Variants in EFHD1 observed in about 807,000 individuals in gnomAD.
EFHD1 encodes EF-hand domain family member D1, also known as EF-hand domain-containing protein D1.
A neutral mutation model predicts 17.2 loss-of-function variants in EFHD1; 10 were observed. That is an observed-to-expected ratio of 0.58 (90% confidence interval 0.36 to 0.99). The LOEUF (loss-of-function observed/expected upper bound fraction) is 0.99. Ranked by LOEUF, EFHD1 falls within the 50% of genes least tolerant of loss-of-function variation. The pLI is 0.01. For missense variants in EFHD1, 310 were observed against 327.5 expected (o/e 0.95, Z 0.41); for synonymous variants, 153 against 142.0 (o/e 1.08, Z -0.55).
At chr2:232,652,165 C>T (rs986587399) in intron 1 of EFHD1, among the ~76,000 whole-genome samples, 2 of 152,326 alleles carry the variant, frequency 1.3e-5, no homozygotes, top group South Asian at 2.1e-4. Flanking sequence ...GTCTGCAAGG[C>T]GGCAACATCA....
intron 1 of EFHD1, among the ~76,000 whole-genome samples, chr2:232,640,063 A>C (rs1213929798): frequency 6.6e-6 from 1 of 152,144 alleles, no homozygotes; most frequent in Non-Finnish European, 1.5e-5. Context: ...GCCAAAGGGC[A>C]TCATTGATCC....
chr2:232,655,015 C>T, intron 1 of EFHD1, among the ~76,000 whole-genome samples: 1 of 152,180 alleles, frequency 6.6e-6, no homozygotes, highest in Non-Finnish European at 1.5e-5. Flanking sequence ...ACTCTCCTTC[C>T]TTTCTGCTCA....
At chr2:232,673,869 AT>A (rs1260324182) in intron 3 of EFHD1, among the ~76,000 whole-genome samples, 3 of 127,934 alleles carry the variant, frequency 2.3e-5, no homozygotes, top group African/African-American at 8.8e-5. Context: ...CACATTTTAT[AT>A]TTTTCCCTTC....
intron 1 of EFHD1, among the ~76,000 whole-genome samples, chr2:232,640,221 T>G (rs1441877983): frequency 6.6e-6 from 1 of 152,104 alleles, no homozygotes; most frequent in African/African-American, 2.4e-5. Flanking sequence ...AGAGGTTCTG[T>G]GGTACCCCTG....
chr2:232,631,711 A>T (rs1348550562), upstream of EFHD1, among the ~76,000 whole-genome samples: 11 of 150,136 alleles, frequency 7.3e-5, no homozygotes, highest in Admixed American at 7.3e-4. Flanking sequence ...AAAAAACAAA[A>T]ACAAAACCAG....
chr2:232,664,465 A>T (rs925877776), intron 2 of EFHD1, among the ~76,000 whole-genome samples: 2 of 151,604 alleles, frequency 1.3e-5, no homozygotes, highest in Admixed American at 6.6e-5. Flanking sequence ...ATTAAAAAAA[A>T]TTTTGTGGTT....
intron 3 of EFHD1, among the ~76,000 whole-genome samples, chr2:232,673,900 ACTT>A (rs1198673976): frequency 7.8e-5 from 11 of 141,458 alleles, no homozygotes; most frequent in South Asian, 2.2e-4. Flanking sequence ...ACCTCTTAAG[ACTT>A]CTTCTTTTTT....
rs191351226 is a variant in EFHD1, at chr2:232,665,835, C to G, written c.450+2886C>G. 5.9e-5 allele frequency among the ~76,000 whole-genome samples: 9 copies of G among 152,332 alleles called. No homozygotes were observed. The East Asian group carries it at 1.7e-3, about 29-fold the overall frequency. ...GGGAGTAGAGGACTGTCCCTGCTTC[C>G]TGGTGTTTAATGTTATTCCAGAAAT... On this transcript the variant is annotated intron_variant, in intron 2 of 3. Transcript: ENST00000264059.
At chr2:232,624,824 ACG>A (rs1434165017) in intron 1 of EFHD1, among the ~76,000 whole-genome samples, 1 of 152,194 alleles carries the variant, frequency 6.6e-6, no homozygotes, top group African/African-American at 2.4e-5. Flanking sequence ...GAGGAGCTCC[ACG>A]CTTACAGCCT....
chr2:232,677,409 C>T (rs945924805), intron 3 of EFHD1, among the ~76,000 whole-genome samples: 1 of 150,410 alleles, frequency 6.6e-6, no homozygotes, highest in Admixed American at 6.7e-5. Context: ...AAAATGGACA[C>T]TGATTTTTCA....
At chr2:232,613,641 C>CAAAT (rs1270891771) in intron 1 of EFHD1, among the ~76,000 whole-genome samples, 28 of 54,784 alleles carry the variant, frequency 5.1e-4, no homozygotes, top group South Asian at 2.2e-3. Flanking sequence ...CATATACACA[C>CAAAT]ACATACACAC....
chr2:232,673,514 G>T (rs1233433627), intron 3 of EFHD1, among the ~76,000 whole-genome samples: 1 of 152,006 alleles, frequency 6.6e-6, no homozygotes, highest in Non-Finnish European at 1.5e-5. Flanking sequence ...TTCCCAACTG[G>T]ATCTCCTGTC....
intron 3 of EFHD1, among the ~76,000 whole-genome samples, chr2:232,680,800 C>T (rs764677387): frequency 7.2e-5 from 11 of 151,982 alleles, no homozygotes; most frequent in East Asian, 3.9e-4. Context: ...TGAGTCACCG[C>T]GCCCAGCCCA....
intron 1 of EFHD1, among the ~76,000 whole-genome samples, chr2:232,627,036 C>CTCTCTCTATATA (rs1242284297): frequency 8.9e-6 from 1 of 112,710 alleles, no homozygotes; most frequent in Non-Finnish European, 1.8e-5. Context: ...CTCTCTCTCT[C>CTCTCTCTATATA]TATATATATA....
chr2:232,622,209 T>C (rs1694029194), intron 1 of EFHD1, among the ~76,000 whole-genome samples: 2 of 152,222 alleles, frequency 1.3e-5, no homozygotes, highest in South Asian at 4.1e-4. Context: ...GGCTTACGCC[T>C]GTAATCCCAG....
In EFHD1 at chr2:232,647,491, C is replaced by T. The variant is rs140916220; in HGVS notation, c.302+13485C>T. On this transcript the variant is annotated intron_variant, in intron 1 of 3. Transcript: ENST00000264059. ...GGCACTGCTGGAACTGCACCAGGCA[C>T]AGCCCAAATGGAGTCTAGTGTGGAA... Among the ~76,000 whole-genome samples, 231 of 152,352 alleles carry T rather than the reference C, an allele frequency of 1.5e-3. 1 individual carries two copies. The highest frequency in any genetic ancestry group is 5.1e-3 in the African/African-American group (211 of 41,586).
At chr2:232,608,941 A>T (rs1693765181) in intron 1 of EFHD1, among the ~76,000 whole-genome samples, 1 of 152,088 alleles carries the variant, frequency 6.6e-6, no homozygotes, top group African/African-American at 2.4e-5. Context: ...AAAATAAAAT[A>T]AAATACAATG....
intron 1 of EFHD1, among the ~76,000 whole-genome samples, chr2:232,607,929 A>T (rs1272149789): frequency 4.6e-5 from 7 of 150,776 alleles, no homozygotes; most frequent in Non-Finnish European, 7.4e-5. Flanking sequence ...CCCTGTCTCT[A>T]TTTTTTTTAA....
intron 2 of EFHD1, among the ~76,000 whole-genome samples, chr2:232,669,317 G>A (rs1695024701): frequency 6.6e-6 from 1 of 152,218 alleles, no homozygotes; most frequent in South Asian, 2.1e-4. Context: ...GGTTGAACAT[G>A]GCTGACCGTC....
Sources: allele counts gnomAD v4.1 joint callset (sites outside exome capture counted in the v4.1 genomes callset), GRCh38; gene constraint gnomAD v4.1.1; transcripts MANE v1.5; gene names NCBI Gene and HGNC (gene_info 2026-07-23, HGNC 2026-07-21).